The following EPHA6 variants were observed in gnomAD, a reference collection of about 807,000 sequenced individuals.
EPHA6 encodes EPH receptor A6.
A neutral mutation model predicts 112.0 loss-of-function variants in EPHA6; 50 were observed. The observed-to-expected ratio is 0.45, with a 90% confidence interval of 0.36 to 0.56. The LOEUF is 0.56. EPHA6 is among the 20% of genes least tolerant of loss of function. EPHA6 has a pLI of 0.00. For missense variants in EPHA6, 1,280 were observed against 1,417.4 expected (o/e 0.90, Z 1.56); for synonymous variants, 529 against 490.7 (o/e 1.08, Z -1.03).
chr3:97,595,785 A>G (rs1685616627), intron 12 of EPHA6, among the ~76,000 whole-genome samples: 1 of 152,142 alleles, frequency 6.6e-6, no homozygotes, highest in African/African-American at 2.4e-5. Context: ...ACGTAACTCT[A>G]AAATTTTATT....
Position 97,755,708 on chromosome 3 carries a change from CT to C in EPHA6, c.*7010del, listed in dbSNP as rs1246569778. Among the ~76,000 whole-genome samples the C allele has an allele frequency of 3.3e-5, 5 of 152,120 alleles. No homozygotes were observed. Among genetic ancestry groups the C allele is most frequent in the South Asian group, 4.2e-4 (2 of 4,814 alleles). On this transcript the variant is annotated 3_prime_UTR_variant, in exon 18 of 18. Coordinates refer to ENST00000389672, the MANE Select transcript of EPHA6 (RefSeq NM_001080448.3). ...GGTATTAGTAACTGAGGATAGATAT[CT>C]TTGTTTCATGAGTTCAATATGAGCT... is the stretch of plus-strand genomic sequence containing the variant.
At chr3:97,356,125 C>A (rs2084063288) in intron 5 of EPHA6, among the ~76,000 whole-genome samples, 1 of 152,172 alleles carries the variant, frequency 6.6e-6, no homozygotes, top group African/African-American at 2.4e-5. Flanking sequence ...GTGGTAGAAT[C>A]AGATTCTCAT....
intron 5 of EPHA6, among the ~76,000 whole-genome samples, chr3:97,306,387 A>C (rs979021123): frequency 1.3e-5 from 2 of 150,638 alleles, no homozygotes; most frequent in Non-Finnish European, 3.0e-5. Context: ...ACCTGCCCTT[A>C]AGGCACAATA....
At chr3:97,466,288 C>T (rs1560039053) in intron 7 of EPHA6, 4 of 1,381,246 alleles carry the variant, frequency 2.9e-6, no homozygotes, top group Non-Finnish European at 3.1e-6. Context: ...AAACATTCCC[C>T]TCAAGCAACA....
chr3:97,447,166 G>T (rs2090373906), intron 6 of EPHA6, among the ~76,000 whole-genome samples: 1 of 152,108 alleles, frequency 6.6e-6, no homozygotes, highest in Non-Finnish European at 1.5e-5. Context: ...TGATCCTTAA[G>T]ATAAGACTTT....
At chr3:97,419,088 T>C (rs1030331323) in intron 6 of EPHA6, among the ~76,000 whole-genome samples, 2 of 152,052 alleles carry the variant, frequency 1.3e-5, no homozygotes, top group Non-Finnish European at 2.9e-5. Flanking sequence ...GCGAATCACC[T>C]GAGTTCGGGA....
At chr3:97,358,951 G>A (rs2108924980) in intron 5 of EPHA6, among the ~76,000 whole-genome samples, 1 of 150,790 alleles carries the variant, frequency 6.6e-6, no homozygotes, top group Non-Finnish European at 1.5e-5. Flanking sequence ...AATATGATGA[G>A]TTCCTTCTCT....
At chr3:97,472,072 C>T (rs1287195220) in intron 7 of EPHA6, among the ~76,000 whole-genome samples, 3 of 151,650 alleles carry the variant, frequency 2.0e-5, no homozygotes, top group Non-Finnish European at 4.4e-5. Flanking sequence ...CATAAGGACA[C>T]TTGTCATTGG....
At chr3:97,075,165 A>G (rs2046476544) in intron 3 of EPHA6, among the ~76,000 whole-genome samples, 1 of 152,054 alleles carries the variant, frequency 6.6e-6, no homozygotes, top group Non-Finnish European at 1.5e-5. Context: ...TAGGTTATAC[A>G]GAGTAGAAAA....
intron 13 of EPHA6, among the ~76,000 whole-genome samples, chr3:97,624,791 G>T (rs776717831): frequency 5.9e-5 from 9 of 151,344 alleles, no homozygotes; most frequent in Non-Finnish European, 1.3e-4. Flanking sequence ...TAGGTTTTGT[G>T]TTCCTAGGAA....
chr3:96,942,849 G>A (rs534000381), intron 2 of EPHA6, among the ~76,000 whole-genome samples: 181 of 152,146 alleles, frequency 1.2e-3, no homozygotes, highest in Non-Finnish European at 2.1e-3. Context: ...ATACAAACCA[G>A]GGTATTCCAA....
intron 3 of EPHA6, among the ~76,000 whole-genome samples, chr3:97,063,271 A>G (rs1208244482): frequency 2.6e-5 from 4 of 152,204 alleles, no homozygotes; most frequent in Non-Finnish European, 4.4e-5. Flanking sequence ...TGCAGCAACT[A>G]TTCACAATAG....
chr3:97,512,991 T>C (rs1451132142), intron 10 of EPHA6, among the ~76,000 whole-genome samples: 1 of 152,204 alleles, frequency 6.6e-6, no homozygotes, highest in East Asian at 1.9e-4. Flanking sequence ...CTATTGAAAA[T>C]GTTTAGTGTG....
chr3:97,532,274 A>G, intron 10 of EPHA6, 84 bp from the exon 11 acceptor site: 1 of 1,196,372 alleles, frequency 8.4e-7, no homozygotes, highest in Non-Finnish European at 1.2e-6. Context: ...ATGTGAAAAA[A>G]GTATGTCACT....
intron 12 of EPHA6, among the ~76,000 whole-genome samples, chr3:97,602,277 C>T (rs1406058368): frequency 6.6e-6 from 1 of 151,946 alleles, no homozygotes; most frequent in African/African-American, 2.4e-5. Context: ...GAAGGTTTTT[C>T]CAATCAGTGT....
At chr3:97,203,718 A>G (rs2077639426) in intron 3 of EPHA6, among the ~76,000 whole-genome samples, 1 of 152,186 alleles carries the variant, frequency 6.6e-6, no homozygotes, top group Non-Finnish European at 1.5e-5. Context: ...AATCCAAGGT[A>G]TAATTCTGAG....
chr3:97,579,291 A>G (rs1218034212), intron 11 of EPHA6, among the ~76,000 whole-genome samples: 1 of 151,488 alleles, frequency 6.6e-6, no homozygotes, highest in East Asian at 2.2e-4. Flanking sequence ...GGCTGCACTT[A>G]TTTTTATATT....
chr3:97,544,542 T>C (rs1417440136), intron 11 of EPHA6, among the ~76,000 whole-genome samples: 1 of 152,194 alleles, frequency 6.6e-6, no homozygotes, highest in Non-Finnish European at 1.5e-5. Context: ...AGGACATTGG[T>C]CTAAAATTCT....
chr3:97,206,347 G>A lies in EPHA6; in HGVS notation c.1115-19917G>A, dbSNP rs144927003. Among the ~76,000 whole-genome samples, 912 of 152,098 alleles carry A rather than the reference G, an allele frequency of 6.0e-3. 3 individuals are homozygous for A. The highest frequency in any genetic ancestry group is 0.021 in the African/African-American group (855 of 41,514). On this transcript the variant is annotated intron_variant, in intron 3 of 17. Coordinates refer to ENST00000389672, the MANE Select transcript of EPHA6 (RefSeq NM_001080448.3). The stretch of plus-strand genomic sequence containing the variant: ...CTTTATCCTTAGTTCAAAAACTTCT[G>A]TGTTTAGTATAACTATGGAATTCTT...
Sources: gnomAD v4.1 joint callset for allele counts (sites outside exome capture counted in the v4.1 genomes callset) on GRCh38, gnomAD v4.1.1 for gene constraint, MANE v1.5 for transcripts, NCBI Gene and HGNC (gene_info 2026-07-23, HGNC 2026-07-21) for gene names.